Variants in SLC44A5 observed in about 807,000 individuals in gnomAD.
The protein encoded by SLC44A5 is choline transporter-like protein 5.
Under a neutral mutation model 101.8 loss-of-function variants are expected in SLC44A5, and 57 were observed. The observed-to-expected ratio is 0.56, with a 90% CI of 0.45 to 0.70. The LOEUF is 0.70. Among genes scored for constraint, SLC44A5 ranks in the 30% least tolerant of loss-of-function variants. The pLI is 0.00. For synonymous variants in SLC44A5, 281 were observed against 290.9 expected (o/e 0.97, Z 0.35); for missense variants, 737 against 853.1 (o/e 0.86, Z 1.70).
In SLC44A5 at chr1:75,283,999, T is replaced by G. The variant is rs142981105; in HGVS notation, c.176-8957A>C. On this transcript the variant is annotated intron_variant, in intron 5 of 23. Transcript: ENST00000370859. ...TTGGTTATGCAGGCTCCTTTTTGAT[T>G]CCATATGAATTTTAAGATTGTTTTT... Among the ~76,000 whole-genome samples the G allele has an allele frequency of 3.3e-3, 501 of 152,284 alleles. 2 individuals carry two copies. Among genetic ancestry groups the G allele is most frequent in the African/African-American group, 0.012 (484 of 41,564 alleles).
intron 1 of SLC44A5, among the ~76,000 whole-genome samples, chr1:75,544,539 T>C (rs1671541356): frequency 1.3e-5 from 2 of 152,168 alleles, no homozygotes; most frequent in African/African-American, 4.8e-5. Flanking sequence ...CAAAATACTT[T>C]TGCTGAACCA....
the SLC44A5 span, among the ~76,000 whole-genome samples, chr1:75,657,518 AGCCTG>A: frequency 6.6e-6 from 1 of 151,826 alleles, no homozygotes; most frequent in Non-Finnish European, 1.5e-5. Context: ...ATTGCACTCC[AGCCTG>A]AGTGACTGAG....
chr1:75,678,978 G>C, the SLC44A5 span, among the ~76,000 whole-genome samples: 1 of 152,286 alleles, frequency 6.6e-6, no homozygotes, highest in African/African-American at 2.4e-5. Flanking sequence ...GAAGCCTCAG[G>C]AGCCGATGCT....
At chr1:75,366,808 T>C (rs1659889076) in intron 3 of SLC44A5, among the ~76,000 whole-genome samples, 1 of 152,220 alleles carries the variant, frequency 6.6e-6, no homozygotes, top group African/African-American at 2.4e-5. Flanking sequence ...GTCTGCTGTT[T>C]ATGCTCTCTA....
rs371503644 is a variant in SLC44A5, at chr1:75,527,316, G to A, written c.13+14119C>T. Among the ~76,000 whole-genome samples, 108 of 145,444 alleles carry A rather than the reference G, an allele frequency of 7.4e-4. 2 individuals are homozygous for A. The highest frequency in any genetic ancestry group is 2.6e-3 in the African/African-American group (102 of 38,826). ...AGAGAGAAAGAGAGACAGAAAGGAA[G>A]GGAGGGAGGGAGGGAGGAGAGATTG... On this transcript the variant is annotated intron_variant, in intron 2 of 23. Coordinates refer to ENST00000370859, the MANE Select transcript of SLC44A5 (RefSeq NM_001130058.2).
At chr1:75,636,157 A>G in the SLC44A5 span, among the ~76,000 whole-genome samples, 8 of 152,036 alleles carry the variant, frequency 5.3e-5, no homozygotes, top group Admixed American at 4.6e-4. Flanking sequence ...CGTATGAGTG[A>G]GAACATGCGA....
At chr1:75,651,848 C>T in the SLC44A5 span, among the ~76,000 whole-genome samples, 37 of 152,228 alleles carry the variant, frequency 2.4e-4, no homozygotes, top group African/African-American at 7.9e-4. Flanking sequence ...CACACACACG[C>T]ACACGTGGAA....
chr1:75,530,871 G>A (rs370923063), intron 2 of SLC44A5, among the ~76,000 whole-genome samples: 2 of 152,302 alleles, frequency 1.3e-5, no homozygotes, highest in Non-Finnish European at 1.5e-5. Flanking sequence ...TGAGTCAGAA[G>A]TAGGTCACAT....
chr1:75,217,542 A>G (rs895048979), intron 18 of SLC44A5, among the ~76,000 whole-genome samples: 8 of 152,124 alleles, frequency 5.3e-5, no homozygotes, highest in Non-Finnish European at 7.4e-5. Context: ...TGGAACTGCC[A>G]ACCTGACATC....
the SLC44A5 span, among the ~76,000 whole-genome samples, chr1:75,697,686 T>A: frequency 6.6e-6 from 1 of 152,072 alleles, no homozygotes; most frequent in Non-Finnish European, 1.5e-5. Context: ...AGTCTACAGC[T>A]CCCAGCGTGA....
At chr1:75,260,705 T>C (rs555943371) in intron 6 of SLC44A5, among the ~76,000 whole-genome samples, 20 of 152,162 alleles carry the variant, frequency 1.3e-4, no homozygotes, top group African/African-American at 4.8e-4. Context: ...CTCCACTCCA[T>C]ATCAGCAGAA....
At chr1:75,461,172 A>G (rs1430643295) in intron 2 of SLC44A5, among the ~76,000 whole-genome samples, 1 of 152,220 alleles carries the variant, frequency 6.6e-6, no homozygotes, top group African/African-American at 2.4e-5. Flanking sequence ...TTTGGCATAC[A>G]AAGTCTTCAC....
intron 2 of SLC44A5, among the ~76,000 whole-genome samples, chr1:75,462,301 C>G (rs961602609): frequency 6.6e-6 from 1 of 152,190 alleles, no homozygotes; most frequent in African/African-American, 2.4e-5. Context: ...CACCTCTACA[C>G]GTCTGCAAGA....
chr1:75,665,428 C>T, the SLC44A5 span, among the ~76,000 whole-genome samples: 1 of 152,166 alleles, frequency 6.6e-6, no homozygotes, highest in Non-Finnish European at 1.5e-5. Flanking sequence ...TGGACTCTTA[C>T]ATTTCATCAT....
In SLC44A5 at chr1:75,389,970, C is replaced by T. The variant is rs185209201; in HGVS notation, c.52+6613G>A. On this transcript the variant is annotated intron_variant, in intron 3 of 23. Coordinates refer to ENST00000370859, the MANE Select transcript of SLC44A5 (RefSeq NM_001130058.2). Reference sequence around the variant, plus strand: ...GAGACAATTCAAATGAGCACAATGCCAACGACAATGGTGACATTACAACCA... The same window carrying T: ...GAGACAATTCAAATGAGCACAATGCTAACGACAATGGTGACATTACAACCA... Among the ~76,000 whole-genome samples the T allele has an allele frequency of 2.8e-3, 425 of 152,000 alleles. 5 individuals carry two copies. In the South Asian group the frequency reaches 0.039, roughly 14 times the overall value.
chr1:75,338,389 A>G (rs1301801353), intron 4 of SLC44A5, among the ~76,000 whole-genome samples: 1 of 152,176 alleles, frequency 6.6e-6, no homozygotes, highest in Non-Finnish European at 1.5e-5. Flanking sequence ...AGAAAGACAC[A>G]CCTGTAATCT....
At chr1:75,206,495 T>C in intron 23 of SLC44A5, 1 of 735,954 alleles carries the variant, frequency 1.4e-6, no homozygotes, top group Non-Finnish European at 2.3e-6. Flanking sequence ...TGCTGACTTC[T>C]TAGAATTAAG....
intron 5 of SLC44A5, among the ~76,000 whole-genome samples, chr1:75,291,094 T>A (rs142835249): frequency 1.6e-3 from 247 of 152,284 alleles, no homozygotes; most frequent in African/African-American, 5.6e-3. Context: ...ATAACACCTG[T>A]GGGTTTTTTT....
chr1:75,659,204 C>T, the SLC44A5 span, among the ~76,000 whole-genome samples: 4 of 150,906 alleles, frequency 2.7e-5, no homozygotes, highest in Non-Finnish European at 5.9e-5. Context: ...CTAAAGAAAA[C>T]TAATATTGAT....
Sources: gnomAD v4.1 joint callset for allele counts (sites outside exome capture counted in the v4.1 genomes callset) on GRCh38, gnomAD v4.1.1 for gene constraint, MANE v1.5 for transcripts, NCBI Gene and HGNC (gene_info 2026-07-23, HGNC 2026-07-21) for gene names.